The following SPATA2 variants were observed in gnomAD, a reference collection of about 807,000 sequenced individuals.
SPATA2 encodes spermatogenesis associated 2, also known as spermatogenesis-associated protein 2.
Under a neutral mutation model 35.4 loss-of-function variants are expected in SPATA2, and 8 were observed. The ratio of observed to expected loss-of-function variants is 0.23; its 90% CI spans 0.13 to 0.41. The LOEUF (loss-of-function observed/expected upper bound fraction) is 0.41. Ranked by LOEUF, SPATA2 falls within the 10% of genes least tolerant of loss-of-function variation. The probability of loss-of-function intolerance (pLI) is 1.00; values close to 1 mark genes in which losing one functional copy is unlikely to be tolerated. For missense variants in SPATA2, 650 were observed against 698.7 expected, an observed-to-expected ratio of 0.93 and a Z score of 0.79; for synonymous variants, 293 against 300.9, an observed-to-expected ratio of 0.97 and a Z score of 0.27.
Position 49,906,734 on chromosome 20 carries a change from G to C in SPATA2, c.448C>G (p.Leu150Val). Reference sequence around the variant, plus strand: ...TGGAGGGTCTCCACGAGCTCTCTGAGCTTGTATGCAGTGCCCAGCTCAGGT... The same window carrying C: ...TGGAGGGTCTCCACGAGCTCTCTGACCTTGTATGCAGTGCCCAGCTCAGGT... Reference protein sequence around the residue: ...YTPELGTAYKLRELVETLQVK... With the variant: ...YTPELGTAYKVRELVETLQVK... Residue 150 changes from leucine (L) to valine (V), a missense_variant, in exon 3 of 3, where the codon CTC (leucine) becomes GTC (valine). Transcript: ENST00000289431. This position sits in a 1 kb window ranked among gnomAD's most constrained non-coding sequence, Gnocchi z 8.2. 6.2e-7 allele frequency: 1 copy of C among 1,614,246 alleles called. No homozygotes were observed. The highest frequency in any genetic ancestry group is 8.5e-7 in the Non-Finnish European group (1 of 1,180,042).
chr20:49,904,858 C>T lies in SPATA2; in HGVS notation c.*761G>A, dbSNP rs2090130982. The T allele has an allele frequency of 6.6e-6, 1 of 152,564 alleles. No individual in the cohort carries two copies. Among genetic ancestry groups the T allele is most frequent in the South Asian group, 2.1e-4 (1 of 4,834 alleles). The allele number at this position is 152,564 out of a possible 1,614,324, so 9.5% of individuals were successfully genotyped here. Reference sequence around the variant, plus strand: ...GTTGAATATTTATTTAAAAATAAATCTCAAAAATATCTATTGACAGTACAG... The same window carrying T: ...GTTGAATATTTATTTAAAAATAAATTTCAAAAATATCTATTGACAGTACAG... On this transcript the variant is annotated 3_prime_UTR_variant, in exon 3 of 3. Transcript: ENST00000289431.
Position 49,915,385 on chromosome 20 carries a change from C to G in SPATA2, c.-108G>C, listed in dbSNP as rs1018451187. On this transcript the variant is annotated 5_prime_UTR_variant, in exon 1 of 3. Coordinates refer to ENST00000289431, the MANE Select transcript of SPATA2 (RefSeq NM_006038.4). ...CGCGGCCGCCCGTCACTCACCCTGACACTGCCGCCGAGGACGGCCCGGCCG... is the reference window on the plus strand; with the variant it reads ...CGCGGCCGCCCGTCACTCACCCTGAGACTGCCGCCGAGGACGGCCCGGCCG... The G allele has an allele frequency of 6.6e-6, 1 of 152,074 alleles. No homozygotes were observed. Among genetic ancestry groups the G allele is most frequent in the African/African-American group, 2.4e-5 (1 of 41,378 alleles). 9.4% of individuals were successfully genotyped at this position (152,074 alleles called of 1,614,324 possible).
In SPATA2 at chr20:49,906,121, C is replaced by T. The variant is rs376476123; in HGVS notation, c.1061G>A (p.Arg354Gln). 3.9e-5 allele frequency: 63 copies of T among 1,612,194 alleles called. No homozygotes were observed. Among genetic ancestry groups the T allele is most frequent in the Admixed American group, 6.7e-5 (4 of 59,940 alleles). ...RATYRRQDAL[R>Q]PDVWLLRNDA... The stretch of plus-strand genomic sequence containing the variant: ...GTTTCTGAGCAGCCACACATCCGGC[C>T]GCAGAGCATCCTGCCGACGGTAGGT... Residue 354 changes from arginine to glutamine, a missense_variant, in exon 3 of 3, where the codon CGG becomes CAG. Arg to Gln is a conservative substitution (Grantham distance 43, BLOSUM62 1). Transcript: ENST00000289431. The surrounding 1 kb of genome is among the most constrained non-coding windows in gnomAD (Gnocchi z 8.2).
intron 1 of SPATA2, among the ~76,000 whole-genome samples, chr20:49,912,939 CAAA>C (rs3092212): frequency 1.7e-4 from 17 of 98,684 alleles, no homozygotes; most frequent in East Asian, 1.7e-3. Flanking sequence ...TCCGTCTCTA[CAAA>C]AAAAAAAAAA....
chr20:49,908,585 G>C lies in SPATA2; in HGVS notation c.-95C>G. The stretch of plus-strand genomic sequence containing the variant: ...TGGACATGTTGCCGCCTGGACCAGC[G>C]GAGTGCTCTGGAAGGAGGGGAACAA... On this transcript the variant is annotated 5_prime_UTR_variant, in exon 2 of 3. Transcript: ENST00000289431. 1 of 1,005,184 alleles carries C rather than the reference G, an allele frequency of 9.9e-7. No individual in the cohort carries two copies. The allele number at this position is 1,005,184 out of a possible 1,614,324, so 62.3% of individuals were successfully genotyped here.
intron 1 of SPATA2, among the ~76,000 whole-genome samples, chr20:49,908,957 T>A (rs917887368): frequency 1.3e-5 from 2 of 152,110 alleles, no homozygotes; most frequent in Non-Finnish European, 2.9e-5. Flanking sequence ...GGAGTCGCAG[T>A]AGAGGAAGGC....
chr20:49,906,643 T>C lies in SPATA2; in HGVS notation c.539A>G (p.His180Arg). 1.2e-6 allele frequency: 2 copies of C among 1,614,054 alleles called. No individual in the cohort carries two copies. Among genetic ancestry groups the C allele is most frequent in the Non-Finnish European group, 1.7e-6 (2 of 1,180,014 alleles). ...GTAGCCCTTGTCCTTCACTTGTGAG[T>C]GGATTTCTAGCATCTGCTCACACTC... ...KVECEQMLEI[H>R]SQVKDKGYSE... is the part of the protein sequence containing the mutation. The change falls in exon 3 of 3, where the codon CAC (histidine) becomes CGC (arginine). Residue 180 changes from histidine (H) to arginine (R), a missense_variant. His to Arg is a conservative substitution (Grantham distance 29, BLOSUM62 0). Transcript: ENST00000289431. This position sits in a 1 kb window ranked among gnomAD's most constrained non-coding sequence, Gnocchi z 8.2.
At chr20:49,912,170 C>G (rs1297445548) in intron 1 of SPATA2, among the ~76,000 whole-genome samples, 1 of 152,126 alleles carries the variant, frequency 6.6e-6, no homozygotes, top group Non-Finnish European at 1.5e-5. Context: ...AATAAAAATG[C>G]AGGCCAGGCG....
In SPATA2 at chr20:49,905,243, C is replaced by T. The variant is rs572688299; in HGVS notation, c.*376G>A. On this transcript the variant is annotated 3_prime_UTR_variant, in exon 3 of 3. Coordinates refer to ENST00000289431, the MANE Select transcript of SPATA2 (RefSeq NM_006038.4). ...AAGGGCCCTTCCCAGTCCAAGTTGG[C>T]TTTGCAATGGGAGGGGTAGGTGCAG... 1 of 197,952 alleles carries T rather than the reference C, an allele frequency of 5.1e-6. No homozygotes were observed. Among genetic ancestry groups the T allele is most frequent in the East Asian group, 1.2e-4 (1 of 8,590 alleles). The allele number at this position is 197,952 out of a possible 1,614,324, so 12.3% of individuals were successfully genotyped here. A position where few individuals can be genotyped will look rare whatever the true frequency, so the allele number is the denominator to read the frequency against.
chr20:49,911,869 C>G (rs1295237307), intron 1 of SPATA2, among the ~76,000 whole-genome samples: 2 of 152,018 alleles, frequency 1.3e-5, no homozygotes, highest in Non-Finnish European at 2.9e-5. Flanking sequence ...AGATGATGGA[C>G]CCGATAATCC....
At chr20:49,911,972 T>G (rs75406401) in intron 1 of SPATA2, among the ~76,000 whole-genome samples, 5,613 of 152,144 alleles carry the variant, frequency 0.037, 144 homozygotes, top group East Asian at 0.092. Flanking sequence ...ACCCTCTGCC[T>G]GAGCTGGACC....
intron 1 of SPATA2, among the ~76,000 whole-genome samples, chr20:49,912,688 G>A (rs556925582): frequency 6.6e-6 from 1 of 152,184 alleles, no homozygotes; most frequent in South Asian, 2.1e-4. Flanking sequence ...CTCAAGCTCG[G>A]CTCAGCGTCT....
Position 49,911,675 on chromosome 20 carries a change from A to AAAAAAG in SPATA2, c.-102-3089_-102-3084dup, listed in dbSNP as rs1162371708. 3.0e-4 allele frequency among the ~76,000 whole-genome samples: 46 copies of AAAAAAG among 152,020 alleles called. No individual in the cohort carries two copies. The East Asian group carries it at 8.3e-3, about 27-fold the overall frequency. On this transcript the variant is annotated intron_variant, in intron 1 of 2. Transcript: ENST00000289431. The stretch of plus-strand genomic sequence containing the variant: ...GAGCGAGACTCCGTCTCTAAAAAAA[A>AAAAAAG]AAAAAGAAAAAGAAAAAGAAAAGAG...
At position 49,903,904 on chromosome 20, in the gene SPATA2, T is replaced by G. The variant is rs1198302604; in HGVS notation, c.*1715A>C. On this transcript the variant is annotated 3_prime_UTR_variant, in exon 3 of 3. Coordinates refer to ENST00000289431, the MANE Select transcript of SPATA2 (RefSeq NM_006038.4). ...ATCTACATGTGATCTACCAGATAGA[T>G]ATATATATATATATATATATATATA... is the stretch of plus-strand genomic sequence containing the variant. 5 of 11,302 alleles carry G rather than the reference T, an allele frequency of 4.4e-4. No individual in the cohort carries two copies. Among genetic ancestry groups the G allele is most frequent in the Non-Finnish European group, 8.8e-4 (5 of 5,698 alleles). The allele number at this position is 11,302 out of a possible 1,614,324, so 0.7% of individuals were successfully genotyped here. A position where few individuals can be genotyped will look rare whatever the true frequency, so the allele number is the denominator to read the frequency against.
chr20:49,909,226 T>C (rs1454193052), intron 1 of SPATA2, among the ~76,000 whole-genome samples: 1 of 152,056 alleles, frequency 6.6e-6, no homozygotes, highest in Non-Finnish European at 1.5e-5. Flanking sequence ...TTTCACCATG[T>C]TGGCCAGGCT....
chr20:49,905,367 TGGAGA>T lies in SPATA2; in HGVS notation c.*247_*251del, dbSNP rs949823277. 22 of 507,784 alleles carry T rather than the reference TGGAGA, an allele frequency of 4.3e-5. No individual in the cohort carries two copies. In the South Asian group the frequency reaches 5.0e-4, roughly 11 times the overall value. The allele number at this position is 507,784 out of a possible 1,614,324, so 31.5% of individuals were successfully genotyped here. ...AAAAAAGAACCAACTGAACAGGGAG[TGGAGA>T]GATTAGCAAAATGAATCTGAACGGA... On this transcript the variant is annotated 3_prime_UTR_variant, in exon 3 of 3. Coordinates refer to ENST00000289431, the MANE Select transcript of SPATA2 (RefSeq NM_006038.4).
At position 49,906,642 on chromosome 20, in the gene SPATA2, G is replaced by C; in HGVS notation, c.540C>G (p.His180Gln). ...KVECEQMLEI[H>Q]SQVKDKGYSE... ...AGTAGCCCTTGTCCTTCACTTGTGA[G>C]TGGATTTCTAGCATCTGCTCACACT... The change falls in exon 3 of 3, where the codon CAC becomes CAG. Residue 180 changes from histidine (H) to glutamine (Q), a missense_variant. Transcript: ENST00000289431. The surrounding 1 kb of genome is among the most constrained non-coding windows in gnomAD (Gnocchi z 8.2). 6.2e-7 allele frequency: 1 copy of C among 1,614,236 alleles called. No individual in the cohort carries two copies. The highest frequency in any genetic ancestry group is 1.1e-5 in the South Asian group (1 of 91,084).
chr20:49,906,889 G>C lies in SPATA2; in HGVS notation c.337-44C>G. The stretch of plus-strand genomic sequence containing the variant: ...AAAAGAAAGGTGGGGTTTTCTGTCA[G>C]AGACACAAGACAGAGACTATGTCAA... On this transcript the variant is annotated intron_variant, in intron 2 of 2. Coordinates refer to ENST00000289431, the MANE Select transcript of SPATA2 (RefSeq NM_006038.4). The surrounding 1 kb of genome is among the most constrained non-coding windows in gnomAD (Gnocchi z 8.2). The C allele has an allele frequency of 6.4e-7, 1 of 1,567,574 alleles. No homozygotes were observed. Among genetic ancestry groups the C allele is most frequent in the Non-Finnish European group, 8.7e-7 (1 of 1,155,552 alleles).
At chr20:49,912,644 T>G (rs1176726148) in intron 1 of SPATA2, among the ~76,000 whole-genome samples, 1 of 152,136 alleles carries the variant, frequency 6.6e-6, no homozygotes, top group Non-Finnish European at 1.5e-5. Context: ...AGCCTTGAAC[T>G]CAAAGAGACT....
Sources: gnomAD v4.1 joint callset for allele counts (sites outside exome capture counted in the v4.1 genomes callset) on GRCh38, gnomAD v4.1.1 for gene constraint, Gnocchi (gnomAD v3.1) non-coding constraint, MANE v1.5 for transcripts, NCBI Gene and HGNC (gene_info 2026-07-23, HGNC 2026-07-21) for gene names.